Variants in PTAFR observed in about 807,000 individuals in gnomAD.
The protein encoded by PTAFR is platelet activating factor receptor.
PTAFR carries 8 observed loss-of-function variants against 14.7 expected under a neutral mutation model. The ratio of observed to expected loss-of-function variants is 0.54; its 90% confidence interval spans 0.32 to 0.98. The LOEUF is 0.98. Among genes scored for constraint, PTAFR ranks in the 50% least tolerant of loss-of-function variants. The pLI is 0.04. For synonymous variants in PTAFR, 156 were observed against 176.5 expected (o/e 0.88, Z 0.92); for missense variants, 337 against 451.2 (o/e 0.75, Z 2.29).
intron 1 of PTAFR, among the ~76,000 whole-genome samples, chr1:28,165,064 A>G (rs1425095458): frequency 1.3e-5 from 2 of 152,204 alleles, no homozygotes; most frequent in Non-Finnish European, 2.9e-5. Flanking sequence ...TTAAGAAAAC[A>G]ATCTTATTTA....
intron 1 of PTAFR, among the ~76,000 whole-genome samples, chr1:28,173,530 A>G (rs1409323966): frequency 2.0e-5 from 3 of 152,022 alleles, no homozygotes; most frequent in Non-Finnish European, 4.4e-5. Flanking sequence ...GTGCACCTAC[A>G]GTATCAGCTA....
At chr1:28,155,552 C>T (rs1333049903) in intron 1 of PTAFR, among the ~76,000 whole-genome samples, 5 of 152,124 alleles carry the variant, frequency 3.3e-5, no homozygotes, top group African/African-American at 1.2e-4. Context: ...ATGCTTCAGA[C>T]CTCAGCTGAA....
intron 1 of PTAFR, among the ~76,000 whole-genome samples, chr1:28,181,720 C>G (rs1646564229): frequency 6.6e-6 from 1 of 151,292 alleles, no homozygotes; most frequent in Non-Finnish European, 1.5e-5. Flanking sequence ...CCAGCCTGGG[C>G]AACAAGAGCG....
upstream of PTAFR, among the ~76,000 whole-genome samples, chr1:28,181,635 G>A (rs1359549888): frequency 6.6e-6 from 1 of 152,036 alleles, no homozygotes; most frequent in African/African-American, 2.4e-5. Flanking sequence ...TCAGCTACTC[G>A]GGAGGCTGAG....
intron 1 of PTAFR, among the ~76,000 whole-genome samples, chr1:28,182,739 G>C (rs749700101): frequency 6.6e-6 from 1 of 152,032 alleles, no homozygotes; most frequent in Admixed American, 6.6e-5. Context: ...GGAGCGCAAC[G>C]GCACGATCTC....
chr1:28,159,718 G>A (rs1446154472), intron 1 of PTAFR, among the ~76,000 whole-genome samples: 3 of 151,744 alleles, frequency 2.0e-5, no homozygotes, highest in Non-Finnish European at 4.4e-5. Flanking sequence ...CTCAACTACT[G>A]GGGAGGCTGA....
At chr1:28,185,016 T>C (rs1253552641) in intron 1 of PTAFR, among the ~76,000 whole-genome samples, 2 of 152,080 alleles carry the variant, frequency 1.3e-5, no homozygotes, top group African/African-American at 4.8e-5. Context: ...AGGTCTTTCC[T>C]CAAAAGCCAC....
At chr1:28,153,579 T>C (rs1298365209) in intron 1 of PTAFR, among the ~76,000 whole-genome samples, 1 of 64,216 alleles carries the variant, frequency 1.6e-5, no homozygotes, top group African/African-American at 7.4e-5. Context: ...ACCCTGTCTC[T>C]ACAAAAAAAA....
chr1:28,158,966 G>C (rs1250206618), intron 1 of PTAFR, among the ~76,000 whole-genome samples: 1 of 152,192 alleles, frequency 6.6e-6, no homozygotes, highest in African/African-American at 2.4e-5. Context: ...CCGATGGAGG[G>C]AAATGGATGG....
At chr1:28,156,119 C>A (rs977916635) in intron 1 of PTAFR, among the ~76,000 whole-genome samples, 1 of 151,792 alleles carries the variant, frequency 6.6e-6, no homozygotes, top group East Asian at 1.9e-4. Context: ...AAAAATCAGC[C>A]GGGTGTGGTG....
At chr1:28,183,327 T>G (rs1423286162) in intron 1 of PTAFR, among the ~76,000 whole-genome samples, 1 of 152,036 alleles carries the variant, frequency 6.6e-6, no homozygotes, top group Non-Finnish European at 1.5e-5. Flanking sequence ...GAAATTTGAG[T>G]GCAAAAAAGA....
intron 1 of PTAFR, among the ~76,000 whole-genome samples, chr1:28,165,886 C>A (rs1423631495): frequency 1.3e-5 from 2 of 152,106 alleles, no homozygotes; most frequent in Non-Finnish European, 2.9e-5. Flanking sequence ...AATGTCCATA[C>A]CACCCAAAGT....
chr1:28,166,853 C>T (rs968132262), intron 1 of PTAFR, among the ~76,000 whole-genome samples: 2 of 152,032 alleles, frequency 1.3e-5, no homozygotes, highest in Admixed American at 6.6e-5. Flanking sequence ...TGGCATGCAC[C>T]TGTAGTCTCA....
chr1:28,178,756 A>T (rs569699290), upstream of PTAFR, among the ~76,000 whole-genome samples: 39 of 152,056 alleles, frequency 2.6e-4, no homozygotes, highest in Non-Finnish European at 5.1e-4. Context: ...ACTCACCTGC[A>T]CACTCACGCC....
At chr1:28,177,394 T>A (rs1294076828), upstream of PTAFR, among the ~76,000 whole-genome samples, 3 of 152,094 alleles carry the variant, frequency 2.0e-5, no homozygotes, top group African/African-American at 7.2e-5. Flanking sequence ...TGGGAACAGA[T>A]CTGTGGGGGT....
Position 28,149,317 on chromosome 1 carries a change from G to T in PTAFR, c.*676C>A. The T allele has an allele frequency of 7.4e-6, 1 of 135,134 alleles. No homozygotes were observed. 8.4% of individuals were successfully genotyped at this position (135,134 alleles called of 1,614,324 possible). A position where few individuals can be genotyped will look rare whatever the true frequency, so the allele number is the denominator to read the frequency against. Reference sequence around the variant, plus strand: ...CTACCTCTATCACTTGAGAGTAGTTGCCCAAAGCTTTTTTTTTTTTTTTTT... The same window carrying T: ...CTACCTCTATCACTTGAGAGTAGTTTCCCAAAGCTTTTTTTTTTTTTTTTT... On this transcript the variant is annotated 3_prime_UTR_variant, in exon 2 of 2. Transcript: ENST00000373857.
intron 1 of PTAFR, among the ~76,000 whole-genome samples, chr1:28,191,759 T>C (rs1646655632): frequency 6.6e-6 from 1 of 151,698 alleles, no homozygotes; most frequent in Admixed American, 6.6e-5. Context: ...TCTCTTTTTT[T>C]TTTTTAATTA....
chr1:28,155,313 C>T (rs140042715), intron 1 of PTAFR, among the ~76,000 whole-genome samples: 4,463 of 152,204 alleles, frequency 0.029, 216 homozygotes, highest in African/African-American at 0.099. Context: ...CAGGTTCAAG[C>T]GATTCTCCTG....
chr1:28,189,641 T>C (rs1015509642), intron 1 of PTAFR, among the ~76,000 whole-genome samples: 2 of 151,312 alleles, frequency 1.3e-5, no homozygotes, highest in Non-Finnish European at 2.9e-5. Context: ...TAAATAAACA[T>C]AATGCGATAC....
Sources: gnomAD v4.1 joint callset for allele counts (sites outside exome capture counted in the v4.1 genomes callset) on GRCh38, gnomAD v4.1.1 for gene constraint, MANE v1.5 for transcripts, NCBI Gene and HGNC (gene_info 2026-07-23, HGNC 2026-07-21) for gene names.